Variants in ITGA11 observed in about 807,000 individuals in gnomAD.
ITGA11 encodes integrin subunit alpha 11.
Under a neutral mutation model 141.9 loss-of-function variants are expected in ITGA11, and 97 were observed. The ratio of observed to expected loss-of-function variants is 0.68; its 90% CI spans 0.58 to 0.81. The LOEUF is 0.81. Ranked by LOEUF, ITGA11 falls within the 30% of genes least tolerant of loss-of-function variation. The probability of loss-of-function intolerance (pLI) is 0.00; values close to 1 mark genes in which losing one functional copy is unlikely to be tolerated. For synonymous variants in ITGA11, 658 were observed against 624.6 expected (o/e 1.05, Z -0.80); for missense variants, 1,387 against 1,559.2 (o/e 0.89, Z 1.86).
chr15:68,345,536 C>T (rs1894717404), intron 10 of ITGA11, among the ~76,000 whole-genome samples: 1 of 152,188 alleles, frequency 6.6e-6, no homozygotes, highest in South Asian at 2.1e-4. Flanking sequence ...AAGACGGCAG[C>T]AAACCAAGCA....
In ITGA11 at chr15:68,333,919, T is replaced by G. The variant is rs1894262179; in HGVS notation, c.1426-1441A>C. On this transcript the variant is annotated intron_variant, in intron 12 of 29. Transcript: ENST00000315757. The surrounding 1 kb of genome is among the most constrained non-coding windows in gnomAD (Gnocchi z 4.2). The stretch of plus-strand genomic sequence containing the variant: ...CCCAGGCCTTGGCTGGCTTCCAGGC[T>G]TCCCTCTGCACAAGCTTTTCTCTTG... Among the ~76,000 whole-genome samples, 1 of 152,232 alleles carries G rather than the reference T, an allele frequency of 6.6e-6. No homozygotes were observed. Among genetic ancestry groups the G allele is most frequent in the Non-Finnish European group, 1.5e-5 (1 of 68,050 alleles).
intron 1 of ITGA11, among the ~76,000 whole-genome samples, chr15:68,415,043 T>G (rs1166250479): frequency 6.6e-6 from 1 of 152,174 alleles, no homozygotes; most frequent in East Asian, 1.9e-4. Context: ...CCCCCCTGTT[T>G]TCTAGCTTCT....
At chr15:68,380,527 C>G (rs76135119) in intron 2 of ITGA11, among the ~76,000 whole-genome samples, 1,751 of 152,282 alleles carry the variant, frequency 0.011, 47 homozygotes, top group East Asian at 0.092. Context: ...GTGTGGAGAA[C>G]ATGCCGCAAG....
rs1267439564 is a variant in ITGA11 at position 68,397,554 on chromosome 15, ATAT to A, written c.164+5361_164+5363del. Among the ~76,000 whole-genome samples, 90 of 20,430 alleles carry A rather than the reference ATAT, an allele frequency of 4.4e-3. 8 individuals carry two copies. The highest frequency in any genetic ancestry group is 0.018 in the African/African-American group (85 of 4,728). The allele number at this position is 20,430 out of a possible 152,430, so 13.4% of individuals were successfully genotyped here. ...AAATATTTAAAATATTATATTTAAA[ATAT>A]TATAAAATATTTAAAATATTATATT... On this transcript the variant is annotated intron_variant, in intron 2 of 29. Coordinates refer to ENST00000315757, the MANE Select transcript of ITGA11 (RefSeq NM_001004439.2).
intron 23 of ITGA11, among the ~76,000 whole-genome samples, 189 bp from the exon 24 acceptor site, chr15:68,313,052 T>C (rs1893447937): frequency 6.6e-6 from 1 of 152,176 alleles, no homozygotes; most frequent in South Asian, 2.1e-4. Context: ...AGCGCTGCCA[T>C]GGGTGAGCAA....
chr15:68,379,850 T>A (rs1170024871), intron 2 of ITGA11, among the ~76,000 whole-genome samples: 1 of 152,236 alleles, frequency 6.6e-6, no homozygotes, highest in African/African-American at 2.4e-5. Context: ...CTCAGCAGAA[T>A]GTACAGCTTT....
At chr15:68,357,338 C>T (rs376935527) in intron 6 of ITGA11, 39 bp from the exon 7 acceptor site, 81 of 1,576,910 alleles carry the variant, frequency 5.1e-5, no homozygotes, top group Non-Finnish European at 6.5e-5. Flanking sequence ...CATTTTGACC[C>T]CATGAACCCA....
chr15:68,346,263 G>C (rs1396174096), intron 10 of ITGA11, among the ~76,000 whole-genome samples: 2 of 152,154 alleles, frequency 1.3e-5, no homozygotes, highest in Admixed American at 6.5e-5. Flanking sequence ...GAGCTCCTGG[G>C]TCTCCTCACT....
At position 68,328,455 on chromosome 15, in the gene ITGA11, G is replaced by A. The variant is rs556441292; in HGVS notation, c.1902-193C>T. ...TCAAAGGACTGGCAAGAGCGAGCAC[G>A]GGGCGAAAGGGGCTCAGCCACCTCA... On this transcript the variant is annotated intron_variant, in intron 15 of 29. Transcript: ENST00000315757. This position sits in a 1 kb window ranked among gnomAD's most constrained non-coding sequence, Gnocchi z 4.8. Among the ~76,000 whole-genome samples, 3 of 152,264 alleles carry A rather than the reference G, an allele frequency of 2.0e-5. No homozygotes were observed. Among genetic ancestry groups the A allele is most frequent in the African/African-American group, 7.2e-5 (3 of 41,550 alleles).
In ITGA11 at chr15:68,303,724, C is replaced by T. The variant is rs370275818; in HGVS notation, c.3495+48G>A. 36 of 1,343,790 alleles carry T rather than the reference C, an allele frequency of 2.7e-5. No individual in the cohort carries two copies. In the African/African-American group the frequency reaches 4.8e-4, roughly 18 times the overall value. 83.2% of individuals were successfully genotyped at this position (1,343,790 alleles called of 1,614,324 possible). On this transcript the variant is annotated intron_variant, in intron 29 of 29. Transcript: ENST00000315757. The surrounding 1 kb of genome is among the most constrained non-coding windows in gnomAD (Gnocchi z 5.3). ...GAAGTTCCAGGGGCTGGAGCCTGGG[C>T]CCACCAGCCAGGATGCTGCTCCTTC...
chr15:68,377,479 C>T (rs1402055362), intron 2 of ITGA11, among the ~76,000 whole-genome samples: 1 of 151,238 alleles, frequency 6.6e-6, no homozygotes, highest in Non-Finnish European at 1.5e-5. Flanking sequence ...CACCATTTGG[C>T]CAGGCTGGTC....
At chr15:68,428,812 C>G (rs1308587341) in intron 1 of ITGA11, among the ~76,000 whole-genome samples, 2 of 152,186 alleles carry the variant, frequency 1.3e-5, no homozygotes, top group African/African-American at 4.8e-5. Context: ...CACCACAATA[C>G]ACCCACATCA....
chr15:68,411,922 C>CTGCCCCAGCTGAGT, intron 1 of ITGA11, among the ~76,000 whole-genome samples: 1 of 152,136 alleles, frequency 6.6e-6, no homozygotes, highest in South Asian at 2.1e-4. Context: ...CGGAGCAGAG[C>CTGCCCCAGCTGAGT]TGCCCCAGCT....
At chr15:68,329,710 G>A (rs1484040858) in intron 15 of ITGA11, among the ~76,000 whole-genome samples, 1 of 152,120 alleles carries the variant, frequency 6.6e-6, no homozygotes, top group Admixed American at 6.5e-5. Flanking sequence ...CCAACACAGT[G>A]GACACCTTTA....
chr15:68,326,885 G>T lies in ITGA11; in HGVS notation c.2069-89C>A. On this transcript the variant is annotated intron_variant, in intron 16 of 29. Coordinates refer to ENST00000315757, the MANE Select transcript of ITGA11 (RefSeq NM_001004439.2). This position sits in a 1 kb window ranked among gnomAD's most constrained non-coding sequence, Gnocchi z 6.8. ...CTCCTCCAGGAAGCCCCCCAGGCTGGCCAGGGGAGAGCTGTTCCTTTCCTC... is the reference window on the plus strand; with the variant it reads ...CTCCTCCAGGAAGCCCCCCAGGCTGTCCAGGGGAGAGCTGTTCCTTTCCTC... 3.5e-6 allele frequency: 5 copies of T among 1,420,700 alleles called. No homozygotes were observed. In the South Asian group the frequency reaches 4.3e-5, roughly 12 times the overall value. The allele number at this position is 1,420,700 out of a possible 1,614,324, so 88.0% of individuals were successfully genotyped here.
intron 1 of ITGA11, among the ~76,000 whole-genome samples, chr15:68,423,371 G>A (rs1897064880): frequency 6.6e-6 from 1 of 152,062 alleles, no homozygotes; most frequent in Non-Finnish European, 1.5e-5. Context: ...GAATAAGTTG[G>A]GGGCAGCCAG....
chr15:68,330,070 G>A lies in ITGA11; in HGVS notation c.1901+911C>T, dbSNP rs571857104. Among the ~76,000 whole-genome samples the A allele has an allele frequency of 1.6e-3, 249 of 152,330 alleles. 1 individual carries two copies. The highest frequency in any genetic ancestry group is 4.4e-3 in the African/African-American group (182 of 41,556). The stretch of plus-strand genomic sequence containing the variant: ...GTGGTGAGGACAGGCTGGCTCGCTC[G>A]GCATCGGTGCTCTCTTCCGGCTTCA... On this transcript the variant is annotated intron_variant, in intron 15 of 29. Coordinates refer to ENST00000315757, the MANE Select transcript of ITGA11 (RefSeq NM_001004439.2).
chr15:68,320,216 G>T lies in ITGA11; in HGVS notation c.2585C>A (p.Ala862Glu). ...YSTVLNISQS[A>E]NLQFASLIQK... ...GATCAAGCTGGCAAACTGCAGGTTT[G>T]CTGACTGCGAGATATTTAGGACCGT... Residue 862 changes from alanine to glutamate, a missense_variant, in exon 20 of 30, where the codon GCA (alanine) becomes GAA (glutamate). By Grantham distance (107) the Ala-to-Glu change is moderately radical. Transcript: ENST00000315757. 6.2e-7 allele frequency: 1 copy of T among 1,614,034 alleles called. No individual in the cohort carries two copies. Among genetic ancestry groups the T allele is most frequent in the Non-Finnish European group, 8.5e-7 (1 of 1,179,894 alleles).
intron 1 of ITGA11, among the ~76,000 whole-genome samples, chr15:68,430,445 C>T (rs1023177938): frequency 5.3e-5 from 8 of 152,196 alleles, no homozygotes; most frequent in Non-Finnish European, 1.0e-4. Context: ...GGGTGCAGAG[C>T]CAGAAGTGGA....
Sources: allele counts gnomAD v4.1 joint callset (sites outside exome capture counted in the v4.1 genomes callset), GRCh38; gene constraint gnomAD v4.1.1; non-coding constraint Gnocchi (gnomAD v3.1); transcripts MANE v1.5; gene names NCBI Gene and HGNC (gene_info 2026-07-23, HGNC 2026-07-21).